Variants in RBFOX1 observed in about 807,000 individuals in gnomAD.
RBFOX1 encodes the protein RNA binding protein fox-1 homolog 1.
A neutral mutation model predicts 57.7 loss-of-function variants in RBFOX1; 8 were observed. The observed-to-expected ratio is 0.14, with a 90% CI of 0.08 to 0.25. The LOEUF is 0.25. Ranked by LOEUF, RBFOX1 falls within the 10% of genes least tolerant of loss-of-function variation. RBFOX1 has a pLI of 1.00. For synonymous variants in RBFOX1, 326 were observed against 222.4 expected (o/e 1.47, Z -4.15); for missense variants, 611 against 548.5 (o/e 1.11, Z -1.14).
At chr16:5,852,979 C>T (rs1402810489) in intron 3 of RBFOX1, among the ~76,000 whole-genome samples, 3 of 152,170 alleles carry the variant, frequency 2.0e-5, no homozygotes, top group Non-Finnish European at 4.4e-5. Flanking sequence ...TTCGTTCTCT[C>T]TGAGTGCAGA....
chr16:5,763,565 C>A (rs1399321178), intron 3 of RBFOX1, among the ~76,000 whole-genome samples: 1 of 152,260 alleles, frequency 6.6e-6, no homozygotes, highest in South Asian at 2.1e-4. Flanking sequence ...TGCGATAGAA[C>A]ATAATTGCTT....
At chr16:7,436,375 G>A (rs575891919) in intron 4 of RBFOX1, among the ~76,000 whole-genome samples, 12 of 152,260 alleles carry the variant, frequency 7.9e-5, no homozygotes, top group South Asian at 6.2e-4. Flanking sequence ...CATATAGTGC[G>A]TGTCATATAT....
intron 2 of RBFOX1, among the ~76,000 whole-genome samples, chr16:5,474,250 T>A (rs1349627168): frequency 6.6e-6 from 1 of 152,238 alleles, no homozygotes; most frequent in Non-Finnish European, 1.5e-5. Context: ...ACAACAGGAC[T>A]TTTAAAAATT....
At chr16:6,015,279 A>C (rs7201717), upstream of RBFOX1, among the ~76,000 whole-genome samples, 2 of 152,108 alleles carry the variant, frequency 1.3e-5, no homozygotes, top group Admixed American at 1.3e-4. Flanking sequence ...GGAGTAATCT[A>C]CAAATCCCTG....
At chr16:5,470,248 G>A (rs1036117281) in intron 2 of RBFOX1, among the ~76,000 whole-genome samples, 1 of 152,176 alleles carries the variant, frequency 6.6e-6, no homozygotes, top group African/African-American at 2.4e-5. Context: ...ATGGTTCTAG[G>A]CTGTGCACTG....
intron 1 of RBFOX1, among the ~76,000 whole-genome samples, chr16:5,408,991 G>A (rs1200414752): frequency 1.3e-5 from 2 of 152,200 alleles, no homozygotes; most frequent in African/African-American, 4.8e-5. Context: ...AGATTTGGTG[G>A]CGACAAATAT....
chr16:5,636,785 C>T (rs1039080704), intron 3 of RBFOX1, among the ~76,000 whole-genome samples: 2 of 152,198 alleles, frequency 1.3e-5, no homozygotes, highest in African/African-American at 4.8e-5. Flanking sequence ...TTTTTATTTT[C>T]AAATGGGAAT....
At chr16:7,181,110 G>C (rs2082608320) in intron 4 of RBFOX1, among the ~76,000 whole-genome samples, 1 of 152,332 alleles carries the variant, frequency 6.6e-6, no homozygotes, top group Middle Eastern at 3.4e-3. Context: ...GGAATGACCA[G>C]GGATTTGGAG....
chr16:7,074,180 G>T (rs757857850), intron 4 of RBFOX1, among the ~76,000 whole-genome samples: 4 of 152,170 alleles, frequency 2.6e-5, no homozygotes, highest in Admixed American at 6.5e-5. Flanking sequence ...ACTACAAGAT[G>T]ACCCAAATGT....
intron 2 of RBFOX1, among the ~76,000 whole-genome samples, chr16:5,552,726 C>T (rs1228214025): frequency 6.6e-6 from 1 of 152,214 alleles, no homozygotes; most frequent in Non-Finnish European, 1.5e-5. Flanking sequence ...GGGAAGATCC[C>T]ATGACCCAGT....
intron 4 of RBFOX1, among the ~76,000 whole-genome samples, chr16:7,105,623 G>T (rs1272318185): frequency 1.3e-5 from 2 of 152,070 alleles, no homozygotes; most frequent in African/African-American, 4.8e-5. Context: ...CATCCAGGTT[G>T]CTGCGAATGC....
intron 11 of RBFOX1, among the ~76,000 whole-genome samples, chr16:7,648,562 G>C (rs1244835904): frequency 6.6e-6 from 1 of 152,136 alleles, no homozygotes; most frequent in Non-Finnish European, 1.5e-5. Context: ...AAACACAGAA[G>C]GCACAGTCAT....
In RBFOX1 at chr16:6,862,949, C is replaced by T. The variant is rs371084706; in HGVS notation, c.-15-189108C>T. The stretch of plus-strand genomic sequence containing the variant: ...GCAGTGAGCTGAGATCACGGCACTG[C>T]ACTCCAGCCTGGGCGACAGAGGGAG... On this transcript the variant is annotated intron_variant, in intron 3 of 15. Coordinates refer to ENST00000550418, the MANE Select transcript of RBFOX1 (RefSeq NM_018723.4). 2.0e-5 allele frequency among the ~76,000 whole-genome samples: 3 copies of T among 151,108 alleles called. No homozygotes were observed. In the South Asian group the frequency reaches 6.3e-4, roughly 32 times the overall value.
At chr16:5,390,291 C>CT (rs549557876) in intron 1 of RBFOX1, among the ~76,000 whole-genome samples, 2,159 of 108,434 alleles carry the variant, frequency 0.02, 54 homozygotes, top group African/African-American at 0.059. Flanking sequence ...TTTTTTTTTT[C>CT]TTTTTTTTTT....
intron 3 of RBFOX1, among the ~76,000 whole-genome samples, chr16:6,930,762 A>G (rs2076371486): frequency 1.3e-5 from 2 of 152,116 alleles, no homozygotes; most frequent in South Asian, 2.1e-4. Flanking sequence ...TTTATTGGCC[A>G]CTTGATCCTC....
chr16:5,497,187 G>A (rs1288141556), intron 2 of RBFOX1, among the ~76,000 whole-genome samples: 2 of 152,052 alleles, frequency 1.3e-5, no homozygotes, highest in Non-Finnish European at 2.9e-5. Flanking sequence ...CTTTCACCGG[G>A]GTTGGTGAAT....
At chr16:6,731,345 A>T (rs184938141) in intron 3 of RBFOX1, among the ~76,000 whole-genome samples, 7 of 152,244 alleles carry the variant, frequency 4.6e-5, no homozygotes, top group African/African-American at 1.7e-4. Flanking sequence ...ATCATTGTGG[A>T]TCGTTGATGT....
chr16:6,644,697 A>G (rs969081932), intron 2 of RBFOX1, among the ~76,000 whole-genome samples: 4 of 152,292 alleles, frequency 2.6e-5, no homozygotes, highest in East Asian at 1.9e-4. Flanking sequence ...AATGACTGCA[A>G]TAATCAATTT....
chr16:6,620,149 T>C (rs939156163), intron 2 of RBFOX1, among the ~76,000 whole-genome samples: 3 of 152,104 alleles, frequency 2.0e-5, no homozygotes, highest in African/African-American at 7.2e-5. Flanking sequence ...TAACAAACAG[T>C]CTCTTGCACC....
Sources: allele counts gnomAD v4.1 joint callset (sites outside exome capture counted in the v4.1 genomes callset), GRCh38; gene constraint gnomAD v4.1.1; transcripts MANE v1.5; gene names NCBI Gene and HGNC (gene_info 2026-07-23, HGNC 2026-07-21).